The following MFHAS1 variants were observed in gnomAD, a reference collection of about 807,000 sequenced individuals.
MFHAS1 encodes malignant fibrous histiocytoma-amplified sequence 1.
In MFHAS1, 50 loss-of-function variants were observed where a neutral mutation model predicts 70.4. That is an observed-to-expected ratio of 0.71 (90% CI 0.57 to 0.90). The LOEUF is 0.90. Ranked by LOEUF, MFHAS1 falls within the 40% of genes least tolerant of loss-of-function variation. The pLI is 0.00. For synonymous variants in MFHAS1, 952 were observed against 620.0 expected (o/e 1.54, Z -7.96); for missense variants, 1,795 against 1,347.6 (o/e 1.33, Z -5.20).
chr8:8,867,025 A>C (rs1240398305), intron 1 of MFHAS1, among the ~76,000 whole-genome samples: 1 of 152,228 alleles, frequency 6.6e-6, no homozygotes, highest in Non-Finnish European at 1.5e-5. Flanking sequence ...AAGAAAGAGA[A>C]AGAGAGATGG....
intron 1 of MFHAS1, among the ~76,000 whole-genome samples, chr8:8,835,859 G>A (rs578026830): frequency 2.7e-4 from 41 of 152,156 alleles, no homozygotes; most frequent in African/African-American, 4.3e-4. Flanking sequence ...GCCTGTTCTT[G>A]TAAATAAAGT....
intron 2 of MFHAS1, 74 bp downstream of exon 2, chr8:8,797,291 G>T (rs1250255806): frequency 6.4e-7 from 1 of 1,558,962 alleles, no homozygotes; most frequent in South Asian, 1.2e-5. Context: ...GTTTAACCTG[G>T]ATTTTTGTGG....
intron 1 of MFHAS1, among the ~76,000 whole-genome samples, chr8:8,856,086 C>CAA (rs1808427736): frequency 6.6e-6 from 1 of 152,140 alleles, no homozygotes; most frequent in African/African-American, 2.4e-5. Context: ...GTTTAGAAGA[C>CAA]GGTCTTCCCC....
intron 2 of MFHAS1, among the ~76,000 whole-genome samples, chr8:8,788,407 G>A (rs748870928): frequency 3.9e-5 from 6 of 152,164 alleles, no homozygotes; most frequent in East Asian, 1.9e-4. Context: ...AGCCAGGTGC[G>A]GCAGCTCATG....
chr8:8,847,578 G>C (rs1808083013), intron 1 of MFHAS1, among the ~76,000 whole-genome samples: 1 of 152,206 alleles, frequency 6.6e-6, no homozygotes, highest in Non-Finnish European at 1.5e-5. Flanking sequence ...TTATTGATAA[G>C]ACAGCTGGTG....
intron 1 of MFHAS1, among the ~76,000 whole-genome samples, chr8:8,801,031 T>C (rs1288277291): frequency 1.3e-5 from 2 of 151,820 alleles, no homozygotes; most frequent in Non-Finnish European, 2.9e-5. Flanking sequence ...CTGGCCAACA[T>C]GGTAAAACCC....
intron 1 of MFHAS1, among the ~76,000 whole-genome samples, chr8:8,861,310 T>G (rs1340605275): frequency 6.6e-6 from 1 of 152,232 alleles, no homozygotes; most frequent in Non-Finnish European, 1.5e-5. Context: ...TCTACTATAC[T>G]TATGCCACGT....
intron 1 of MFHAS1, among the ~76,000 whole-genome samples, chr8:8,851,983 G>C (rs139776801): frequency 4.3e-4 from 65 of 152,310 alleles, no homozygotes; most frequent in African/African-American, 1.6e-3. Flanking sequence ...AATAAGGACA[G>C]AGCGCTCCCT....
At position 8,840,461 on chromosome 8, in the gene MFHAS1, CAAA is replaced by C. The variant is rs141909980; in HGVS notation, c.2999-42973_2999-42971del. On this transcript the variant is annotated intron_variant, in intron 1 of 2. Transcript: ENST00000276282. ...CACAGAGTGAGACTCCATCTCAATA[CAAA>C]AAAAAAAAAAAAAAAAAAGAATGGT... Among the ~76,000 whole-genome samples the C allele has an allele frequency of 3.5e-4, 29 of 82,110 alleles. No individual in the cohort carries two copies. The East Asian group carries it at 9.2e-3, about 26-fold the overall frequency. 53.9% of individuals were successfully genotyped at this position (82,110 alleles called of 152,430 possible). A position where few individuals can be genotyped will look rare whatever the true frequency, so the allele number is the denominator to read the frequency against.
At chr8:8,847,779 C>T (rs1808090156) in intron 1 of MFHAS1, among the ~76,000 whole-genome samples, 1 of 152,112 alleles carries the variant, frequency 6.6e-6, no homozygotes, top group Admixed American at 6.5e-5. Context: ...GTTTCTATTC[C>T]CAACCGCTTC....
At chr8:8,823,263 A>T (rs1054292269) in intron 1 of MFHAS1, among the ~76,000 whole-genome samples, 1 of 152,242 alleles carries the variant, frequency 6.6e-6, no homozygotes, top group Non-Finnish European at 1.5e-5. Flanking sequence ...ACAAATTATT[A>T]TAAAAACAGC....
At chr8:8,861,858 T>A (rs1808674276) in intron 1 of MFHAS1, among the ~76,000 whole-genome samples, 1 of 152,236 alleles carries the variant, frequency 6.6e-6, no homozygotes, top group Admixed American at 6.5e-5. Context: ...CTCAGCATAA[T>A]GCTTTTGAGA....
At chr8:8,810,585 C>G (rs1806509034) in intron 1 of MFHAS1, among the ~76,000 whole-genome samples, 1 of 152,188 alleles carries the variant, frequency 6.6e-6, no homozygotes, top group South Asian at 2.1e-4. Context: ...TACATTTTCT[C>G]TTCCTATGAT....
chr8:8,880,976 G>A (rs959785895), intron 1 of MFHAS1, among the ~76,000 whole-genome samples: 7 of 152,064 alleles, frequency 4.6e-5, no homozygotes, highest in African/African-American at 7.2e-5. Context: ...GAGCCATCAC[G>A]CCTGACCCAT....
At chr8:8,831,241 T>C (rs1807375356) in intron 1 of MFHAS1, among the ~76,000 whole-genome samples, 1 of 152,060 alleles carries the variant, frequency 6.6e-6, no homozygotes, top group Admixed American at 6.6e-5. Flanking sequence ...TTATAGACTC[T>C]ATCTCCAATA....
At chr8:8,832,048 ACGCGCGCGCG>A (rs111233259) in intron 1 of MFHAS1, among the ~76,000 whole-genome samples, 23 of 116,686 alleles carry the variant, frequency 2.0e-4, no homozygotes, top group African/African-American at 6.2e-4. Context: ...GCGCACATGC[ACGCGCGCGCG>A]CGCGCACACA....
intron 1 of MFHAS1, among the ~76,000 whole-genome samples, chr8:8,855,590 T>TCAC (rs1808407034): frequency 6.6e-6 from 1 of 152,194 alleles, no homozygotes; most frequent in South Asian, 2.1e-4. Context: ...GCACGGTGGC[T>TCAC]CACACCTGTA....
rs1805455572 is a variant in MFHAS1 at position 8,784,199 on chromosome 8, C to A, written c.*1823G>T. 6.6e-6 allele frequency: 1 copy of A among 152,094 alleles called. No individual in the cohort carries two copies. Among genetic ancestry groups the A allele is most frequent in the Admixed American group, 6.5e-5 (1 of 15,270 alleles). The allele number at this position is 152,094 out of a possible 1,614,324, so 9.4% of individuals were successfully genotyped here. On this transcript the variant is annotated 3_prime_UTR_variant, in exon 3 of 3. Transcript: ENST00000276282. ...GTTAATTTAACAGTTGAGGAACCGT[C>A]TCATGCCAATTAAAAAATTCTTACT...
At chr8:8,810,539 G>T (rs1257588211) in intron 1 of MFHAS1, among the ~76,000 whole-genome samples, 1 of 152,146 alleles carries the variant, frequency 6.6e-6, no homozygotes, top group East Asian at 1.9e-4. Context: ...CGATGATGAA[G>T]ATCTTTATGA....
Sources: gnomAD v4.1 joint callset for allele counts (sites outside exome capture counted in the v4.1 genomes callset) on GRCh38, gnomAD v4.1.1 for gene constraint, MANE v1.5 for transcripts, NCBI Gene and HGNC (gene_info 2026-07-23, HGNC 2026-07-21) for gene names.